AIRIM: variants seen among roughly 807,000 people sequenced by gnomAD.
The protein encoded by AIRIM is AFG2 interacting ribosome maturation factor.
chr1:37,682,847 C>T, the AIRIM span: 5 of 402,906 alleles, frequency 1.2e-5, no homozygotes, highest in Non-Finnish European at 2.3e-5. Flanking sequence ...TTCTTCAGCA[C>T]CGTCTTTCCT....
At chr1:37,684,888 G>A in the AIRIM span, among the ~76,000 whole-genome samples, 1 of 152,054 alleles carries the variant, frequency 6.6e-6, no homozygotes, top group Non-Finnish European at 1.5e-5. Context: ...ACCAGGCATG[G>A]TGGCTCACAC....
At chr1:37,685,287 G>A in the AIRIM span, among the ~76,000 whole-genome samples, 9 of 150,186 alleles carry the variant, frequency 6.0e-5, no homozygotes, top group African/African-American at 2.2e-4. Context: ...AAGGCTCACT[G>A]CAGCCTTGAC....
the AIRIM span, among the ~76,000 whole-genome samples, chr1:37,687,425 C>T: frequency 1.3e-5 from 2 of 151,228 alleles, no homozygotes; most frequent in Admixed American, 6.6e-5. Flanking sequence ...AGCCACCGTG[C>T]CCAGCTAATA....
At chr1:37,686,851 T>C in the AIRIM span, among the ~76,000 whole-genome samples, 1 of 152,078 alleles carries the variant, frequency 6.6e-6, no homozygotes, top group African/African-American at 2.4e-5. Flanking sequence ...GTGGATCACC[T>C]GAGGTCAGGA....
At chr1:37,687,121 G>C in the AIRIM span, among the ~76,000 whole-genome samples, 1 of 146,916 alleles carries the variant, frequency 6.8e-6, no homozygotes, top group Admixed American at 6.8e-5. Flanking sequence ...TATAGTTTTT[G>C]TTTTTGTTTT....
At chr1:37,682,941 T>C in the AIRIM span, 1 of 636,232 alleles carries the variant, frequency 1.6e-6, no homozygotes, top group Non-Finnish European at 2.8e-6. Flanking sequence ...CGGCCTGGCA[T>C]GCTGCAGCTC....
the AIRIM span, chr1:37,681,992 A>G: frequency 1.3e-5 from 2 of 152,192 alleles, no homozygotes; most frequent in South Asian, 2.1e-4. Context: ...TTGGGAGGCT[A>G]TGGTGGGAGG....
At chr1:37,686,521 C>T in the AIRIM span, 1 of 1,470,634 alleles carries the variant, frequency 6.8e-7, no homozygotes. Context: ...TCAATTTTGG[C>T]ACTACTGATA....
chr1:37,687,351 C>T, the AIRIM span, among the ~76,000 whole-genome samples: 28 of 151,638 alleles, frequency 1.8e-4, no homozygotes, highest in African/African-American at 6.8e-4. Context: ...AGGCTGGTCT[C>T]GAACTCCCGA....
the AIRIM span, among the ~76,000 whole-genome samples, chr1:37,686,711 C>T: frequency 6.6e-6 from 1 of 152,318 alleles, no homozygotes; most frequent in Middle Eastern, 3.4e-3. Context: ...GAAAAACCAT[C>T]TCCAATTGAG....
At chr1:37,685,199 G>T in the AIRIM span, among the ~76,000 whole-genome samples, 6 of 126,992 alleles carry the variant, frequency 4.7e-5, no homozygotes, top group Non-Finnish European at 1.7e-5. Flanking sequence ...TTTTGGGGGG[G>T]GGGGGTGGGC....
the AIRIM span, among the ~76,000 whole-genome samples, chr1:37,686,107 G>A: frequency 6.6e-6 from 1 of 152,120 alleles, no homozygotes; most frequent in Non-Finnish European, 1.5e-5. Context: ...GTAGCTACTC[G>A]ATAAATTATT....
At chr1:37,683,991 T>C in the AIRIM span, 1 of 154,620 alleles carries the variant, frequency 6.5e-6, no homozygotes, top group African/African-American at 2.4e-5. Context: ...GAGCTATTCC[T>C]ATACAGTACA....
the AIRIM span, chr1:37,689,727 C>T: frequency 6.2e-7 from 1 of 1,613,900 alleles, no homozygotes; most frequent in South Asian, 1.1e-5. Context: ...AGGTTCTGTG[C>T]GGCCTGCAGC....
At chr1:37,685,203 G>GA in the AIRIM span, among the ~76,000 whole-genome samples, 5 of 118,540 alleles carry the variant, frequency 4.2e-5, no homozygotes, top group South Asian at 1.8e-3. Flanking sequence ...GGGGGGGGGG[G>GA]GTGGGCGGGG....
At chr1:37,681,890 C>T in the AIRIM span, 1 of 152,126 alleles carries the variant, frequency 6.6e-6, no homozygotes, top group Admixed American at 6.5e-5. Context: ...AAAAGACAAC[C>T]TAACAGTATG....
the AIRIM span, chr1:37,689,427 G>T: frequency 1.5e-6 from 1 of 649,476 alleles, no homozygotes; most frequent in Admixed American, 3.1e-5. Flanking sequence ...CAAAGAAAAT[G>T]CCAGAAAATG....
chr1:37,686,406 G>C, the AIRIM span: 2 of 1,613,938 alleles, frequency 1.2e-6, no homozygotes, highest in African/African-American at 2.7e-5. Context: ...TGAAACACTC[G>C]CTCCACATGG....
At chr1:37,690,974 G>T in the AIRIM span, 2 of 152,310 alleles carry the variant, frequency 1.3e-5, no homozygotes, top group Non-Finnish European at 2.9e-5. Context: ...CGAGAGGCTG[G>T]AAGCCCGACT....
Sources: gnomAD v4.1 joint callset for allele counts (sites outside exome capture counted in the v4.1 genomes callset) on GRCh38, gnomAD v4.1.1 for gene constraint, MANE v1.5 for transcripts, NCBI Gene and HGNC (gene_info 2026-07-23, HGNC 2026-07-21) for gene names.